Variants in BPIFB1 observed in about 807,000 individuals in gnomAD.
The protein encoded by BPIFB1 is BPI fold containing family B member 1.
A neutral mutation model predicts 55.1 loss-of-function variants in BPIFB1; 34 were observed. The ratio of observed to expected loss-of-function variants is 0.62; its 90% CI spans 0.47 to 0.82. BPIFB1 has a LOEUF of 0.82. Ranked by LOEUF, BPIFB1 falls within the 40% of genes least tolerant of loss-of-function variation. The probability of loss-of-function intolerance (pLI) is 0.00; values close to 1 mark genes in which losing one functional copy is unlikely to be tolerated. For synonymous variants in BPIFB1, 236 were observed against 245.3 expected (o/e 0.96, Z 0.35); for missense variants, 532 against 593.1 (o/e 0.90, Z 1.07).
chr20:33,299,249 C>T (rs1980763877), intron 7 of BPIFB1: 1 of 446,142 alleles, frequency 2.2e-6, no homozygotes, highest in Non-Finnish European at 4.6e-6. Context: ...GTCCCTGGCC[C>T]TCCAGCACTC....
chr20:33,293,171 C>G (rs1980528237), intron 6 of BPIFB1, among the ~76,000 whole-genome samples: 1 of 152,246 alleles, frequency 6.6e-6, no homozygotes, highest in South Asian at 2.1e-4. Context: ...GATCCGCCTG[C>G]CTCAGCCTCC....
chr20:33,284,206 T>C (rs1233580971), intron 1 of BPIFB1, among the ~76,000 whole-genome samples: 1 of 152,186 alleles, frequency 6.6e-6, no homozygotes, highest in East Asian at 1.9e-4. Flanking sequence ...GATGAGTAAA[T>C]GGAGGCTCAG....
At chr20:33,305,121 A>G (rs532381896) in intron 13 of BPIFB1, among the ~76,000 whole-genome samples, 1 of 152,206 alleles carries the variant, frequency 6.6e-6, no homozygotes, top group East Asian at 1.9e-4. Flanking sequence ...ACTCACAGAT[A>G]CACACTTTCT....
intron 6 of BPIFB1, among the ~76,000 whole-genome samples, chr20:33,295,645 GAAGAAAGAAAGAAAGAGAGA>G (rs1333961386): frequency 3.2e-5 from 4 of 125,386 alleles, no homozygotes; most frequent in Admixed American, 1.6e-4. Context: ...AAAGAGAGAA[GAAGAAAGAAAGAAAGAGAGA>G]AAGAAAGAAA....
At chr20:33,289,613 T>C (rs939516156) in intron 3 of BPIFB1, among the ~76,000 whole-genome samples, 16 of 149,266 alleles carry the variant, frequency 1.1e-4, no homozygotes, top group Admixed American at 5.3e-4. Context: ...AGGCAAGGAG[T>C]AAGGGATCAG....
At chr20:33,292,961 G>A (rs777787997) in intron 6 of BPIFB1, among the ~76,000 whole-genome samples, 11 of 152,180 alleles carry the variant, frequency 7.2e-5, no homozygotes, top group African/African-American at 9.6e-5. Context: ...TTGCTCTGTC[G>A]CCTAGGCGGG....
At chr20:33,298,095 A>T (rs1404736641) in intron 7 of BPIFB1, among the ~76,000 whole-genome samples, 1 of 152,154 alleles carries the variant, frequency 6.6e-6, no homozygotes, top group Non-Finnish European at 1.5e-5. Flanking sequence ...TAAGATTACA[A>T]GCATGAGCCA....
intron 11 of BPIFB1, 79 bp downstream of exon 11, chr20:33,303,153 G>A (rs901741917): frequency 3.3e-4 from 506 of 1,552,686 alleles, no homozygotes; most frequent in Non-Finnish European, 4.4e-4. Flanking sequence ...CTCTTGCTTT[G>A]TTAAACATTT....
intron 2 of BPIFB1, among the ~76,000 whole-genome samples, chr20:33,286,616 G>A (rs1305239394): frequency 6.6e-6 from 1 of 152,196 alleles, no homozygotes; most frequent in African/African-American, 2.4e-5. Context: ...TCCAGCTCTG[G>A]GGCACTGGGC....
intron 8 of BPIFB1, among the ~76,000 whole-genome samples, chr20:33,300,774 G>A (rs995369855): frequency 6.6e-6 from 1 of 152,078 alleles, no homozygotes; most frequent in African/African-American, 2.4e-5. Flanking sequence ...TTTTTGTAAA[G>A]ATGGGGTTCC....
chr20:33,289,187 C>T (rs1980368947), intron 3 of BPIFB1, among the ~76,000 whole-genome samples: 1 of 152,028 alleles, frequency 6.6e-6, no homozygotes, highest in Admixed American at 6.6e-5. Flanking sequence ...TCGAGACCAG[C>T]CTGGCCAACA....
intron 7 of BPIFB1, chr20:33,298,873 C>A (rs980487845): frequency 2.0e-5 from 6 of 305,084 alleles, no homozygotes; most frequent in Non-Finnish European, 1.6e-5. Context: ...ATCCAGAGTT[C>A]ACACATTACA....
intron 13 of BPIFB1, among the ~76,000 whole-genome samples, chr20:33,305,345 T>C (rs1186224215): frequency 1.6e-5 from 2 of 128,568 alleles, no homozygotes; most frequent in Non-Finnish European, 3.1e-5. Context: ...TGAGATGGAG[T>C]CTCGCTCTGT....
At chr20:33,304,078 G>A in intron 12 of BPIFB1, 53 bp downstream of exon 12, 1 of 1,518,384 alleles carries the variant, frequency 6.6e-7, no homozygotes, top group South Asian at 1.2e-5. Flanking sequence ...AGTCCCGCCT[G>A]GTAACCATGG....
chr20:33,305,529 A>G (rs546572515), intron 13 of BPIFB1, among the ~76,000 whole-genome samples: 30 of 152,012 alleles, frequency 2.0e-4, no homozygotes, highest in East Asian at 1.4e-3. Context: ...ATGTTAGCCA[A>G]GATGGTCTCG....
At chr20:33,304,922 C>G in intron 13 of BPIFB1, 31 bp downstream of exon 13, 1 of 1,612,060 alleles carries the variant, frequency 6.2e-7, no homozygotes, top group Non-Finnish European at 8.5e-7. Flanking sequence ...CCTGAGGGCA[C>G]AGGGGGTGGC....
At position 33,302,615 on chromosome 20, in the gene BPIFB1, C is replaced by G. The variant is rs75933876; in HGVS notation, c.981+203C>G. 4,996 of 664,176 alleles carry G rather than the reference C, an allele frequency of 7.5e-3. 178 individuals carry two copies. Among genetic ancestry groups the G allele is most frequent in the African/African-American group, 0.071 (3,978 of 56,148 alleles). The allele number at this position is 664,176 out of a possible 1,614,324, so 41.1% of individuals were successfully genotyped here. ...CACATGGATAGTATTTCCATTACAG[C>G]TGCAGTAACACAGGACAGGTTCTAG... On this transcript the variant is annotated intron_variant, in intron 10 of 15. Coordinates refer to ENST00000253354, the MANE Select transcript of BPIFB1 (RefSeq NM_033197.3).
chr20:33,301,015 A>T (rs1980829758), intron 8 of BPIFB1, among the ~76,000 whole-genome samples: 1 of 152,210 alleles, frequency 6.6e-6, no homozygotes, highest in Admixed American at 6.5e-5. Flanking sequence ...AGCATGGGAA[A>T]AAAAACGAAG....
rs1980851589 is a variant in BPIFB1, at chr20:33,301,477, C to G, written c.927+65C>G. On this transcript the variant is annotated intron_variant, in intron 9 of 15. Transcript: ENST00000253354. ...CCACATCATAGGAATTTCCTGAACACAGGGTGCCCCTAAGCAGGAATCCTC... is the reference window on the plus strand; with the variant it reads ...CCACATCATAGGAATTTCCTGAACAGAGGGTGCCCCTAAGCAGGAATCCTC... The G allele has an allele frequency of 2.7e-6, 4 of 1,491,942 alleles. No homozygotes were observed. In the Admixed American group the frequency reaches 7.3e-5, roughly 27 times the overall value. The allele number at this position is 1,491,942 out of a possible 1,614,324, so 92.4% of individuals were successfully genotyped here. A position where few individuals can be genotyped will look rare whatever the true frequency, so the allele number is the denominator to read the frequency against.
Sources: gnomAD v4.1 joint callset for allele counts (sites outside exome capture counted in the v4.1 genomes callset) on GRCh38, gnomAD v4.1.1 for gene constraint, MANE v1.5 for transcripts, NCBI Gene and HGNC (gene_info 2026-07-23, HGNC 2026-07-21) for gene names.